Variants in SBF2 observed in about 807,000 individuals in gnomAD.
SBF2 encodes SET binding factor 2, also known as myotubularin-related protein 13.
Under a neutral mutation model 225.2 loss-of-function variants are expected in SBF2, and 112 were observed. The observed-to-expected ratio is 0.50, with a 90% CI of 0.43 to 0.58. SBF2 has a LOEUF of 0.58. Among genes scored for constraint, SBF2 ranks in the 20% least tolerant of loss-of-function variants. The pLI, the probability that SBF2 is intolerant of heterozygous loss-of-function variation, is 0.00. For synonymous variants in SBF2, 763 were observed against 773.3 expected, an observed-to-expected ratio of 0.99 and a Z score of 0.22; for missense variants, 1,996 against 2,206.2, an observed-to-expected ratio of 0.90 and a Z score of 1.91.
intron 16 of SBF2, chr11:9,959,718 A>G: frequency 1.4e-6 from 1 of 693,408 alleles, no homozygotes; most frequent in Non-Finnish European, 2.8e-6. Context: ...GGACTTTCTC[A>G]CCCTGAGGTA....
chr11:9,850,439 G>C (rs186867775), intron 21 of SBF2, among the ~76,000 whole-genome samples: 1 of 151,910 alleles, frequency 6.6e-6, no homozygotes, highest in Non-Finnish European at 1.5e-5. Context: ...AATTTTTTTT[G>C]TACAGATGGG....
intron 13 of SBF2, among the ~76,000 whole-genome samples, chr11:9,978,457 T>C (rs1946798444): frequency 1.3e-5 from 2 of 152,066 alleles, no homozygotes; most frequent in Admixed American, 1.3e-4. Context: ...TTTATTAAAT[T>C]AAATGAAATA....
intron 6 of SBF2, among the ~76,000 whole-genome samples, chr11:10,011,722 C>A (rs757652967): frequency 9.2e-5 from 14 of 152,074 alleles, no homozygotes; most frequent in Non-Finnish European, 1.9e-4. Flanking sequence ...AGACCCGCTG[C>A]AATAATATTA....
At chr11:9,856,142 G>T (rs1468544435) in intron 19 of SBF2, among the ~76,000 whole-genome samples, 1 of 152,198 alleles carries the variant, frequency 6.6e-6, no homozygotes, top group African/African-American at 2.4e-5. Flanking sequence ...TTGCAAGAAG[G>T]TGCTCACTAA....
At chr11:9,955,374 C>T (rs1866094547) in intron 16 of SBF2, among the ~76,000 whole-genome samples, 1 of 151,964 alleles carries the variant, frequency 6.6e-6, no homozygotes, top group Admixed American at 6.5e-5. Context: ...TGTAACTTCC[C>T]TTTTGCCTAC....
At chr11:10,011,484 G>T (rs1423293051) in intron 6 of SBF2, among the ~76,000 whole-genome samples, 1 of 152,136 alleles carries the variant, frequency 6.6e-6, no homozygotes, top group East Asian at 1.9e-4. Flanking sequence ...CTCCCAAAGT[G>T]TTAGGATTTC....
chr11:9,958,131 C>T (rs776008389), intron 16 of SBF2: 15 of 152,276 alleles, frequency 9.9e-5, no homozygotes, highest in East Asian at 5.8e-4. Flanking sequence ...CAGTCTGTTC[C>T]GATAGCTACG....
chr11:10,108,548 G>A (rs1235162593), intron 2 of SBF2, among the ~76,000 whole-genome samples: 4 of 127,008 alleles, frequency 3.1e-5, no homozygotes, highest in African/African-American at 6.1e-5. Flanking sequence ...TTTTTGAGAC[G>A]GAGTCTCGCT....
chr11:10,228,216 T>A (rs1328501158), intron 1 of SBF2, among the ~76,000 whole-genome samples: 2 of 152,180 alleles, frequency 1.3e-5, no homozygotes, highest in Non-Finnish European at 2.9e-5. Flanking sequence ...TTAGGGAGAT[T>A]TTGGGCTGAG....
At chr11:9,802,892 C>A (rs1378596814) in intron 32 of SBF2, among the ~76,000 whole-genome samples, 1 of 152,098 alleles carries the variant, frequency 6.6e-6, no homozygotes, top group Non-Finnish European at 1.5e-5. Flanking sequence ...CTCTGGTAGC[C>A]AAGCATGCTT....
At chr11:9,868,172 A>T (rs910496291) in intron 17 of SBF2, among the ~76,000 whole-genome samples, 1 of 152,034 alleles carries the variant, frequency 6.6e-6, no homozygotes, top group South Asian at 2.1e-4. Flanking sequence ...ATATCTAGTC[A>T]TTGTTCAAAT....
chr11:9,936,981 G>C (rs1864944012), intron 16 of SBF2, among the ~76,000 whole-genome samples: 6 of 152,022 alleles, frequency 3.9e-5, no homozygotes, highest in Admixed American at 2.6e-4. Flanking sequence ...ATCTCTTAAA[G>C]GTCCCACCTC....
intron 16 of SBF2, chr11:9,958,944 C>A (rs1866379010): frequency 1.4e-6 from 1 of 698,142 alleles, no homozygotes; most frequent in Admixed American, 2.1e-5. Flanking sequence ...TTAGAAGTTT[C>A]ATGGGAATGT....
At chr11:10,247,484 C>T (rs538004138) in intron 1 of SBF2, among the ~76,000 whole-genome samples, 1 of 149,390 alleles carries the variant, frequency 6.7e-6, no homozygotes, top group African/African-American at 2.5e-5. Flanking sequence ...AGTTCGAGAC[C>T]AGCCTGGCCA....
At chr11:9,834,161 T>C (rs1476415892) in intron 26 of SBF2, among the ~76,000 whole-genome samples, 11 of 149,746 alleles carry the variant, frequency 7.3e-5, no homozygotes, top group Non-Finnish European at 1.3e-4. Flanking sequence ...GGTGCGATCT[T>C]GGCTCACTGC....
intron 1 of SBF2, among the ~76,000 whole-genome samples, chr11:10,220,798 C>T (rs1372810): frequency 0.1 from 15,954 of 152,054 alleles, 996 homozygotes; most frequent in Non-Finnish European, 0.11. Context: ...ATACTGTGGC[C>T]CCACCAAAAC....
intron 3 of SBF2, among the ~76,000 whole-genome samples, chr11:10,039,297 G>T (rs978547276): frequency 1.3e-5 from 2 of 151,878 alleles, no homozygotes; most frequent in African/African-American, 4.8e-5. Context: ...AACAGTTCAT[G>T]CCAAAAATGA....
At chr11:10,282,443 C>T (rs1963476203) in intron 1 of SBF2, among the ~76,000 whole-genome samples, 1 of 152,066 alleles carries the variant, frequency 6.6e-6, no homozygotes, top group Admixed American at 6.5e-5. Context: ...CTCCTTACCT[C>T]CTGACTCACA....
At chr11:9,888,891 T>A (rs1174860036) in intron 17 of SBF2, among the ~76,000 whole-genome samples, 1 of 152,146 alleles carries the variant, frequency 6.6e-6, no homozygotes, top group African/African-American at 2.4e-5. Context: ...TGGAATAAAA[T>A]TTCACTGGGT....
Sources: allele counts gnomAD v4.1 joint callset (sites outside exome capture counted in the v4.1 genomes callset), GRCh38; gene constraint gnomAD v4.1.1; transcripts MANE v1.5; gene names NCBI Gene and HGNC (gene_info 2026-07-23, HGNC 2026-07-21).